TCF7L1: variants seen among roughly 807,000 people sequenced by gnomAD.
TCF7L1 encodes transcription factor 7 like 1, also known as transcription factor 7-like 1.
TCF7L1 carries 18 observed loss-of-function variants against 63.7 expected under a neutral mutation model. The observed-to-expected ratio is 0.28, with a 90% CI of 0.20 to 0.42. TCF7L1 has a LOEUF of 0.42. Ranked by LOEUF, TCF7L1 falls within the 10% of genes least tolerant of loss-of-function variation. The pLI is 1.00. For missense variants in TCF7L1, 654 were observed against 779.3 expected, an observed-to-expected ratio of 0.84 and a Z score of 1.91; for synonymous variants, 355 against 340.9, an observed-to-expected ratio of 1.04 and a Z score of -0.46.
At chr2:85,293,988 AGTT>A (rs1681783389) in intron 4 of TCF7L1, among the ~76,000 whole-genome samples, 1 of 137,868 alleles carries the variant, frequency 7.3e-6, no homozygotes, top group Non-Finnish European at 1.5e-5. Context: ...CCACCCCTAG[AGTT>A]TCTGATGGAA....
At chr2:85,282,206 T>C (rs1573024390) in intron 3 of TCF7L1, among the ~76,000 whole-genome samples, 1 of 152,336 alleles carries the variant, frequency 6.6e-6, no homozygotes, top group East Asian at 1.9e-4. Flanking sequence ...CAGGCTGGTC[T>C]TGAACTCCTG....
intron 3 of TCF7L1, among the ~76,000 whole-genome samples, chr2:85,257,032 G>A (rs922291357): frequency 4.0e-5 from 6 of 150,780 alleles, no homozygotes; most frequent in African/African-American, 1.5e-4. Flanking sequence ...GGGCAACGTA[G>A]TGAGACCCCC....
intron 3 of TCF7L1, among the ~76,000 whole-genome samples, chr2:85,177,372 T>A (rs2104244735): frequency 6.6e-6 from 1 of 152,302 alleles, no homozygotes; most frequent in African/African-American, 2.4e-5. Context: ...CCATATGTTT[T>A]AAAAAAATTT....
At chr2:85,254,808 C>T (rs1051345551) in intron 3 of TCF7L1, among the ~76,000 whole-genome samples, 3 of 152,194 alleles carry the variant, frequency 2.0e-5, no homozygotes, top group African/African-American at 7.2e-5. Flanking sequence ...AAAACAGCCT[C>T]ACTGGCCTAG....
At chr2:85,251,241 T>C (rs940102549) in intron 3 of TCF7L1, among the ~76,000 whole-genome samples, 6 of 152,238 alleles carry the variant, frequency 3.9e-5, no homozygotes, top group African/African-American at 1.2e-4. Flanking sequence ...AATAATGTTT[T>C]GCAATAACCA....
intron 3 of TCF7L1, among the ~76,000 whole-genome samples, chr2:85,265,122 T>C (rs537998318): frequency 6.6e-6 from 1 of 152,210 alleles, no homozygotes; most frequent in South Asian, 2.1e-4. Flanking sequence ...GGGTGGATGC[T>C]TGCTCTGGGC....
At chr2:85,275,374 C>T (rs1423966829) in intron 3 of TCF7L1, among the ~76,000 whole-genome samples, 1 of 152,064 alleles carries the variant, frequency 6.6e-6, no homozygotes, top group Admixed American at 6.5e-5. Context: ...TTGCCAGGTT[C>T]TTTGGAATGC....
chr2:85,284,770 G>A (rs1681503690), intron 4 of TCF7L1, among the ~76,000 whole-genome samples: 1 of 152,116 alleles, frequency 6.6e-6, no homozygotes, highest in Admixed American at 6.5e-5. Context: ...TTAGGCGTTG[G>A]GCTTCTATGA....
At chr2:85,234,131 C>CTTTTTTTTTTTTTTTTTTTT (rs35508338) in intron 3 of TCF7L1, among the ~76,000 whole-genome samples, 8 of 65,240 alleles carry the variant, frequency 1.2e-4, no homozygotes, top group Admixed American at 1.7e-4. Flanking sequence ...TTTTTCTTTT[C>CTTTTTTTTTTTTTTTTTTTT]TTTTTTTTTT....
chr2:85,293,402 A>G (rs1024560364), intron 4 of TCF7L1, among the ~76,000 whole-genome samples: 20 of 152,086 alleles, frequency 1.3e-4, no homozygotes, highest in Non-Finnish European at 2.4e-4. Flanking sequence ...TTCCTCCTCC[A>G]CCAAGTAAGA....
chr2:85,216,990 C>A (rs1460927062), intron 3 of TCF7L1: 1 of 152,136 alleles, frequency 6.6e-6, no homozygotes, highest in African/African-American at 2.4e-5. Flanking sequence ...GAAGAGTTGC[C>A]TTCTTAATGA....
chr2:85,208,707 G>T (rs978746535), intron 3 of TCF7L1, among the ~76,000 whole-genome samples: 1 of 152,168 alleles, frequency 6.6e-6, no homozygotes, highest in African/African-American at 2.4e-5. Context: ...GGATGGAAAT[G>T]GGAGCTGCCT....
Position 85,134,068 on chromosome 2 carries a change from A to G in TCF7L1, c.302A>G (p.Tyr101Cys). The G allele has an allele frequency of 1.9e-6, 3 of 1,609,954 alleles. No homozygotes were observed. The highest frequency in any genetic ancestry group is 2.5e-6 in the Non-Finnish European group (3 of 1,179,066). ...GACACTTTCCAGAAGCCGCGGGACT[A>G]TTTCGCCGAAGGTATGTGCCCGCTG... ...VRDTFQKPRD[Y>C]FAEVRRPQDS... Residue 101 changes from tyrosine to cysteine, a missense_variant, in exon 2 of 12, where the codon TAT becomes TGT. Transcript: ENST00000282111. The surrounding 1 kb of genome is among the most constrained non-coding windows in gnomAD (Gnocchi z 5.0).
intron 3 of TCF7L1, among the ~76,000 whole-genome samples, chr2:85,179,386 C>T (rs766458828): frequency 2.6e-5 from 4 of 152,072 alleles, no homozygotes; most frequent in East Asian, 3.8e-4. Context: ...GTGTTTGATT[C>T]GGGGATTCTG....
At chr2:85,173,046 T>G (rs369922837) in intron 3 of TCF7L1, among the ~76,000 whole-genome samples, 3 of 152,216 alleles carry the variant, frequency 2.0e-5, no homozygotes, top group African/African-American at 7.2e-5. Flanking sequence ...AACGAATAAA[T>G]GAGTGGCAGC....
At chr2:85,281,897 A>G (rs1178405696) in intron 3 of TCF7L1, among the ~76,000 whole-genome samples, 1 of 152,302 alleles carries the variant, frequency 6.6e-6, no homozygotes, top group South Asian at 2.1e-4. Flanking sequence ...GGCTCTTCCC[A>G]TCGCCCTCCT....
chr2:85,182,737 A>G (rs1482147927), intron 3 of TCF7L1, among the ~76,000 whole-genome samples: 2 of 152,204 alleles, frequency 1.3e-5, no homozygotes, highest in East Asian at 1.9e-4. Flanking sequence ...TCTCCCCATC[A>G]CGGTCCAATG....
In TCF7L1 at chr2:85,147,370, G is replaced by T. The variant is rs547223020; in HGVS notation, c.441+12920G>T. 6.6e-5 allele frequency among the ~76,000 whole-genome samples: 10 copies of T among 152,226 alleles called. No individual in the cohort carries two copies. The South Asian group carries it at 2.1e-3, about 32-fold the overall frequency. On this transcript the variant is annotated intron_variant, in intron 3 of 11. Transcript: ENST00000282111. ...ATACAACCCGAACTAGGGATTGCTT[G>T]TGTGTCCCCCTCCCACCTGTCACTC...
chr2:85,308,121 T>C (rs1244210407), intron 11 of TCF7L1, among the ~76,000 whole-genome samples: 1 of 152,204 alleles, frequency 6.6e-6, no homozygotes, highest in Non-Finnish European at 1.5e-5. Flanking sequence ...GATGTTTCTT[T>C]GGTTGAACAC....
Sources: allele counts gnomAD v4.1 joint callset (sites outside exome capture counted in the v4.1 genomes callset), GRCh38; gene constraint gnomAD v4.1.1; non-coding constraint Gnocchi (gnomAD v3.1); transcripts MANE v1.5; gene names NCBI Gene and HGNC (gene_info 2026-07-23, HGNC 2026-07-21).